FHIT: variants seen among roughly 807,000 people sequenced by gnomAD.
FHIT encodes the protein bis(5'-adenosyl)-triphosphatase.
In FHIT, 19 loss-of-function variants were observed where a neutral mutation model predicts 17.9. That is an observed-to-expected ratio of 1.06 (90% CI 0.74 to 1.56). The LOEUF (loss-of-function observed/expected upper bound fraction) is 1.56. FHIT is among the 40% of genes most tolerant of loss of function. The pLI is 0.00. For synonymous variants in FHIT, 81 were observed against 69.7 expected (o/e 1.16, Z -0.81); for missense variants, 248 against 189.2 (o/e 1.31, Z -1.82).
chr3:61,073,945 A>C (rs542289452), intron 2 of FHIT, among the ~76,000 whole-genome samples: 3 of 152,296 alleles, frequency 2.0e-5, no homozygotes, highest in South Asian at 4.1e-4. Context: ...TACAGACTAA[A>C]ACAAAGCAGC....
intron 4 of FHIT, among the ~76,000 whole-genome samples, chr3:60,578,440 AACACACACACACACAC>A (rs71748891): frequency 6.9e-6 from 1 of 144,296 alleles, no homozygotes; most frequent in Non-Finnish European, 1.5e-5. Context: ...CCATCTACAA[AACACACACACACACAC>A]ACACACACAC....
chr3:60,686,265 C>T (rs2040860064), intron 4 of FHIT, among the ~76,000 whole-genome samples: 1 of 152,148 alleles, frequency 6.6e-6, no homozygotes, highest in Non-Finnish European at 1.5e-5. Flanking sequence ...GGGTTTTCAG[C>T]AGTTTGATTA....
At chr3:60,281,170 A>G (rs185246365) in intron 5 of FHIT, among the ~76,000 whole-genome samples, 48 of 152,252 alleles carry the variant, frequency 3.2e-4, no homozygotes, top group Admixed American at 9.8e-4. Context: ...GTAAGGAAAT[A>G]TAAAAAATTC....
intron 5 of FHIT, among the ~76,000 whole-genome samples, chr3:60,523,187 G>C (rs2035440463): frequency 6.6e-6 from 1 of 152,120 alleles, no homozygotes; most frequent in Admixed American, 6.5e-5. Context: ...AATTCAATAT[G>C]AGATTTGGGT....
intron 5 of FHIT, among the ~76,000 whole-genome samples, chr3:60,173,857 G>A (rs1423749370): frequency 7.9e-6 from 1 of 125,888 alleles, no homozygotes; most frequent in Non-Finnish European, 1.6e-5. Context: ...AGGATCAATG[G>A]TGGTGCTAAA....
At chr3:60,380,392 C>T (rs183421479) in intron 5 of FHIT, among the ~76,000 whole-genome samples, 12 of 152,312 alleles carry the variant, frequency 7.9e-5, no homozygotes, top group Non-Finnish European at 1.0e-4. Flanking sequence ...ATGTTGGTGC[C>T]ATGCTTGTAC....
At chr3:60,213,002 A>G (rs1348248081) in intron 5 of FHIT, among the ~76,000 whole-genome samples, 1 of 152,148 alleles carries the variant, frequency 6.6e-6, no homozygotes, top group Non-Finnish European at 1.5e-5. Flanking sequence ...GCCACCTGAA[A>G]GAAAAGCAAG....
At chr3:61,181,885 CAT>C (rs1439172729) in intron 2 of FHIT, among the ~76,000 whole-genome samples, 1 of 152,106 alleles carries the variant, frequency 6.6e-6, no homozygotes, top group Non-Finnish European at 1.5e-5. Flanking sequence ...TATTCTATTA[CAT>C]TTCTGTTCTA....
chr3:61,220,145 G>T (rs548020470), intron 1 of FHIT, among the ~76,000 whole-genome samples: 1 of 152,254 alleles, frequency 6.6e-6, no homozygotes, highest in East Asian at 1.9e-4. Flanking sequence ...TTCAGCCCTC[G>T]TTTTCATTTT....
intron 7 of FHIT, among the ~76,000 whole-genome samples, chr3:59,927,594 C>T (rs1705734459): frequency 6.6e-6 from 1 of 151,962 alleles, no homozygotes; most frequent in Non-Finnish European, 1.5e-5. Flanking sequence ...TGTGAAACCC[C>T]GTCTCTACTA....
At chr3:60,037,075 C>T (rs569289240) in intron 5 of FHIT, among the ~76,000 whole-genome samples, 4 of 152,306 alleles carry the variant, frequency 2.6e-5, no homozygotes, top group African/African-American at 9.6e-5. Context: ...CCAACGTCAC[C>T]TTGTCACGGT....
At chr3:60,470,020 C>T (rs1189942879) in intron 5 of FHIT, among the ~76,000 whole-genome samples, 3 of 136,082 alleles carry the variant, frequency 2.2e-5, no homozygotes, top group African/African-American at 6.5e-5. Flanking sequence ...AAATCTGTCT[C>T]TGTCTCTCTG....
chr3:59,953,632 T>C lies in FHIT; in HGVS notation c.280-31218A>G, dbSNP rs956304987. On this transcript the variant is annotated intron_variant, in intron 7 of 9. Transcript: ENST00000492590. ...TGAAAGAGTATTGAGCTGCCATAGA[T>C]AAATTAAGTACTGTGCTCGGCCTCC... Among the ~76,000 whole-genome samples, 5 of 152,110 alleles carry C rather than the reference T, an allele frequency of 3.3e-5. No individual in the cohort carries two copies. The East Asian group carries it at 9.6e-4, about 29-fold the overall frequency.
At chr3:60,602,686 A>ATGAGCCTGTGCAATGGAC (rs1470300321) in intron 4 of FHIT, among the ~76,000 whole-genome samples, 1 of 152,174 alleles carries the variant, frequency 6.6e-6, no homozygotes, top group East Asian at 1.9e-4. Context: ...TGAGGATGTT[A>ATGAGCCTGTGCAATGGAC]TGAGCCTGTG....
intron 5 of FHIT, among the ~76,000 whole-genome samples, chr3:60,501,101 C>T (rs1031977683): frequency 6.6e-6 from 1 of 152,166 alleles, no homozygotes; most frequent in Non-Finnish European, 1.5e-5. Flanking sequence ...GAGGGACTAA[C>T]AGGCTAATCT....
intron 5 of FHIT, among the ~76,000 whole-genome samples, chr3:60,287,758 G>A (rs1039231869): frequency 3.3e-5 from 5 of 152,112 alleles, no homozygotes; most frequent in African/African-American, 9.7e-5. Context: ...AAAGGATTCA[G>A]GGTTCTCTGA....
At chr3:60,428,684 G>A (rs1369073577) in intron 5 of FHIT, among the ~76,000 whole-genome samples, 1 of 152,120 alleles carries the variant, frequency 6.6e-6, no homozygotes. Context: ...CAATTGGTAG[G>A]CTGCATCTTA....
intron 4 of FHIT, among the ~76,000 whole-genome samples, chr3:60,748,308 G>C (rs1423391069): frequency 2.6e-5 from 4 of 152,122 alleles, no homozygotes; most frequent in African/African-American, 9.7e-5. Context: ...AGATTAACAG[G>C]AGAAAAGTTT....
At chr3:60,715,805 C>T (rs2041668529) in intron 4 of FHIT, among the ~76,000 whole-genome samples, 1 of 152,042 alleles carries the variant, frequency 6.6e-6, no homozygotes, top group South Asian at 2.1e-4. Context: ...ATTACATTTG[C>T]ATCATTAATG....
Sources: gnomAD v4.1 joint callset for allele counts (sites outside exome capture counted in the v4.1 genomes callset) on GRCh38, gnomAD v4.1.1 for gene constraint, MANE v1.5 for transcripts, NCBI Gene and HGNC (gene_info 2026-07-23, HGNC 2026-07-21) for gene names.